The following XKR4 variants were observed in gnomAD, a reference collection of about 807,000 sequenced individuals.
XKR4 encodes the protein XK related 4, also known as XK-related protein 4.
A neutral mutation model predicts 53.9 loss-of-function variants in XKR4; 12 were observed. That is an observed-to-expected ratio of 0.22 (90% CI 0.14 to 0.36). XKR4 has a LOEUF of 0.36. Among genes scored for constraint, XKR4 ranks in the 10% least tolerant of loss-of-function variants. The probability of loss-of-function intolerance (pLI) is 1.00; values close to 1 mark genes in which losing one functional copy is unlikely to be tolerated. For synonymous variants in XKR4, 354 were observed against 362.4 expected (o/e 0.98, Z 0.26); for missense variants, 799 against 859.5 (o/e 0.93, Z 0.88).
chr8:55,218,659 T>A (rs571465630), intron 1 of XKR4, among the ~76,000 whole-genome samples: 2 of 152,376 alleles, frequency 1.3e-5, no homozygotes, highest in African/African-American at 4.8e-5. Flanking sequence ...AGGCCTTGTT[T>A]TTCCTTATGA....
Position 55,523,409 on chromosome 8 carries a change from C to A in XKR4, c.1135C>A (p.His379Asn), listed in dbSNP as rs750301125. ...YMAVIIQFCW[H>N]FFTIAARVIT... ...GGCCGTCATCATCCAGTTCTGCTGG[C>A]ACTTCTTCACCATCGCCGCCAGGGT... is the stretch of plus-strand genomic sequence containing the variant. Residue 379 changes from histidine to asparagine, a missense_variant, in exon 3 of 3, where the codon CAC becomes AAC. Transcript: ENST00000327381. 6.2e-7 allele frequency: 1 copy of A among 1,614,246 alleles called. No individual in the cohort carries two copies. The highest frequency in any genetic ancestry group is 8.5e-7 in the Non-Finnish European group (1 of 1,180,042).
intron 1 of XKR4, among the ~76,000 whole-genome samples, chr8:55,244,529 C>T (rs998078083): frequency 1.3e-5 from 2 of 152,160 alleles, no homozygotes; most frequent in African/African-American, 4.8e-5. Flanking sequence ...GATGAACATA[C>T]ATGTGCATGT....
chr8:55,461,747 A>AT (rs1805661559), intron 2 of XKR4, among the ~76,000 whole-genome samples: 1 of 152,238 alleles, frequency 6.6e-6, no homozygotes, highest in Non-Finnish European at 1.5e-5. Flanking sequence ...ACGAATGGAT[A>AT]ACTAGAATAA....
At chr8:55,430,600 C>A (rs1805087354) in intron 2 of XKR4, among the ~76,000 whole-genome samples, 1 of 152,176 alleles carries the variant, frequency 6.6e-6, no homozygotes, top group South Asian at 2.1e-4. Context: ...AATACTCCAG[C>A]TGTGCTATCC....
chr8:55,470,736 G>T (rs937268905), intron 2 of XKR4, among the ~76,000 whole-genome samples: 1 of 152,138 alleles, frequency 6.6e-6, no homozygotes, highest in Non-Finnish European at 1.5e-5. Flanking sequence ...TAGTGAGTAT[G>T]TGTCAGCTTC....
In XKR4 at chr8:55,539,198, C is replaced by T. The variant is rs1267031671; in HGVS notation, c.*14971C>T. On this transcript the variant is annotated 3_prime_UTR_variant, in exon 3 of 3. Transcript: ENST00000327381. ...AATTTTTGAGACATAGAGGCAATATCATGATATAGGAATACATTCATAAAA... is the reference window on the plus strand; with the variant it reads ...AATTTTTGAGACATAGAGGCAATATTATGATATAGGAATACATTCATAAAA... 6.6e-6 allele frequency: 1 copy of T among 152,142 alleles called. No individual in the cohort carries two copies. Among genetic ancestry groups the T allele is most frequent in the Non-Finnish European group, 1.5e-5 (1 of 68,022 alleles). 9.4% of individuals were successfully genotyped at this position (152,142 alleles called of 1,614,324 possible).
At chr8:55,302,393 C>T (rs1819214680) in intron 1 of XKR4, among the ~76,000 whole-genome samples, 1 of 151,900 alleles carries the variant, frequency 6.6e-6, no homozygotes, top group South Asian at 2.1e-4. Flanking sequence ...GTTTTGGTTA[C>T]TGTAGCCTTG....
intron 1 of XKR4, among the ~76,000 whole-genome samples, chr8:55,272,496 C>G (rs1294213130): frequency 6.6e-6 from 1 of 152,182 alleles, no homozygotes; most frequent in African/African-American, 2.4e-5. Flanking sequence ...TCAGTCTAAG[C>G]CTGCTCCTCA....
chr8:55,451,004 CT>C, intron 2 of XKR4: 2 of 537,892 alleles, frequency 3.7e-6, no homozygotes, highest in Admixed American at 2.5e-5. Context: ...CCTTCAGCAG[CT>C]TTTTGAAGCT....
At chr8:55,346,683 T>TTG (rs1438938737) in intron 1 of XKR4, among the ~76,000 whole-genome samples, 1 of 55,522 alleles carries the variant, frequency 1.8e-5, no homozygotes, top group Admixed American at 1.7e-4. Context: ...CCTGTTGAGG[T>TTG]TATGTGTGTG....
At chr8:55,219,314 T>C (rs1413215004) in intron 1 of XKR4, among the ~76,000 whole-genome samples, 1 of 152,230 alleles carries the variant, frequency 6.6e-6, no homozygotes, top group Non-Finnish European at 1.5e-5. Context: ...CCCACTTCAC[T>C]CTGGATGTTT....
At position 55,537,805 on chromosome 8, in the gene XKR4, C is replaced by T. The variant is rs1230594753; in HGVS notation, c.*13578C>T. ...ACAACATCATCACTGTGAGTCCTAT[C>T]GCAGATGTGTGTACCAGCCCAATTC... is the stretch of plus-strand genomic sequence containing the variant. On this transcript the variant is annotated 3_prime_UTR_variant, in exon 3 of 3. Transcript: ENST00000327381. 3 of 152,176 alleles carry T rather than the reference C, an allele frequency of 2.0e-5. No individual in the cohort carries two copies. The highest frequency in any genetic ancestry group is 2.1e-4 in the South Asian group (1 of 4,830). 9.4% of individuals were successfully genotyped at this position (152,176 alleles called of 1,614,324 possible). A position where few individuals can be genotyped will look rare whatever the true frequency, so the allele number is the denominator to read the frequency against.
chr8:55,110,813 T>C (rs79355395), intron 1 of XKR4, among the ~76,000 whole-genome samples: 2,485 of 152,296 alleles, frequency 0.016, 60 homozygotes, highest in African/African-American at 0.056. Context: ...TTTTTATGCT[T>C]CAGTCTACTC....
intron 1 of XKR4, among the ~76,000 whole-genome samples, chr8:55,147,237 C>A (rs1816782693): frequency 6.6e-6 from 1 of 152,064 alleles, no homozygotes. Flanking sequence ...GAAAGGAAAG[C>A]TTTACTTAGA....
chr8:55,150,053 C>A (rs1395907023), intron 1 of XKR4, among the ~76,000 whole-genome samples: 1 of 152,326 alleles, frequency 6.6e-6, no homozygotes. Flanking sequence ...CCAGACAAAT[C>A]AGCCTAAAGC....
At chr8:55,161,783 G>T (rs554245716) in intron 1 of XKR4, 1 of 362,278 alleles carries the variant, frequency 2.8e-6, no homozygotes, top group African/African-American at 2.1e-5. Context: ...CACTTCACAG[G>T]TTACAAAACT....
intron 1 of XKR4, among the ~76,000 whole-genome samples, chr8:55,149,006 A>G (rs950948230): frequency 2.0e-5 from 3 of 152,246 alleles, no homozygotes; most frequent in Non-Finnish European, 4.4e-5. Context: ...ATTAGATGAC[A>G]TTGAAGAAAT....
At chr8:55,228,400 A>G (rs1326294749) in intron 1 of XKR4, among the ~76,000 whole-genome samples, 5 of 152,240 alleles carry the variant, frequency 3.3e-5, no homozygotes, top group Admixed American at 3.3e-4. Context: ...AAGAGGATGA[A>G]TCTACAAGAA....
intron 1 of XKR4, among the ~76,000 whole-genome samples, chr8:55,331,813 C>T (rs1269884140): frequency 6.6e-6 from 1 of 152,132 alleles, no homozygotes; most frequent in Non-Finnish European, 1.5e-5. Context: ...TCTATTCTTT[C>T]ACTTTCAATC....
Sources: allele counts gnomAD v4.1 joint callset (sites outside exome capture counted in the v4.1 genomes callset), GRCh38; gene constraint gnomAD v4.1.1; transcripts MANE v1.5; gene names NCBI Gene and HGNC (gene_info 2026-07-23, HGNC 2026-07-21).